CEP192: variants seen among roughly 807,000 people sequenced by gnomAD.
CEP192 encodes centrosomal protein of 192 kDa.
Under a neutral mutation model 271.8 loss-of-function variants are expected in CEP192, and 151 were observed. The observed-to-expected ratio is 0.56, with a 90% CI of 0.49 to 0.64. The LOEUF (loss-of-function observed/expected upper bound fraction) is 0.64. Among genes scored for constraint, CEP192 ranks in the 30% least tolerant of loss-of-function variants. CEP192 has a pLI of 0.00. For missense variants in CEP192, 2,910 were observed against 3,020.5 expected (o/e 0.96, Z 0.86); for synonymous variants, 995 against 1,076.5 (o/e 0.92, Z 1.48).
chr18:13,098,268 G>A (rs1181343609), intron 36 of CEP192, among the ~76,000 whole-genome samples: 3 of 151,870 alleles, frequency 2.0e-5, no homozygotes, highest in East Asian at 2.0e-4. Context: ...CTGGCCAGGC[G>A]GGGGCTGACC....
chr18:13,071,284 C>A, intron 28 of CEP192, 72 bp downstream of exon 28: 2 of 1,378,250 alleles, frequency 1.5e-6, no homozygotes, highest in Non-Finnish European at 2.0e-6. Context: ...TTAATGTTTG[C>A]AGGAAAATTT....
intron 10 of CEP192, among the ~76,000 whole-genome samples, chr18:13,030,258 C>CT (rs1279851571): frequency 1.3e-5 from 2 of 152,120 alleles, no homozygotes; most frequent in African/African-American, 2.4e-5. Context: ...CCATTATAGA[C>CT]TTTTTTGTGA....
chr18:13,000,091 C>CTCTCTCTCTTTTT lies in CEP192; in HGVS notation c.164+504_164+505insCTCTCTCTTTTTT, dbSNP rs1555698196. Among the ~76,000 whole-genome samples, 2 of 76,750 alleles carry CTCTCTCTCTTTTT rather than the reference C, an allele frequency of 2.6e-5. 1 individual carries two copies. The highest frequency in any genetic ancestry group is 8.5e-5 in the African/African-American group (2 of 23,460). The allele number at this position is 76,750 out of a possible 152,430, so 50.4% of individuals were successfully genotyped here. A position where few individuals can be genotyped will look rare whatever the true frequency, so the allele number is the denominator to read the frequency against. On this transcript the variant is annotated intron_variant, in intron 2 of 44. Transcript: ENST00000506447. ...CTCTGTATAACTCATTGTCTTCTCTCTTTTTTTTTTTTTTTTTTTTTTTTT... is the reference window on the plus strand; with the variant it reads ...CTCTGTATAACTCATTGTCTTCTCTCTCTCTCTCTTTTTTTTTTTTTTTTTTTTTTTTTTTTTT...
chr18:13,016,001 C>T (rs2034624043), intron 6 of CEP192, among the ~76,000 whole-genome samples: 2 of 152,158 alleles, frequency 1.3e-5, no homozygotes, highest in Admixed American at 6.5e-5. Context: ...CCACCTCGGC[C>T]TCCCAAAGTG....
chr18:13,123,611 C>T (rs1325649639), intron 44 of CEP192, among the ~76,000 whole-genome samples: 1 of 152,184 alleles, frequency 6.6e-6, no homozygotes, highest in East Asian at 1.9e-4. Flanking sequence ...TCCCTGTGAG[C>T]TCAGAACTTT....
In CEP192 at chr18:13,068,876, T is replaced by C; in HGVS notation, c.4847T>C (p.Phe1616Ser). The C allele has an allele frequency of 6.2e-7, 1 of 1,614,200 alleles. No individual in the cohort carries two copies. The highest frequency in any genetic ancestry group is 1.1e-5 in the South Asian group (1 of 91,076). The change falls in exon 25 of 45, where the codon TTC becomes TCC. Residue 1616 changes from phenylalanine to serine, a missense_variant. Physicochemically the swap from Phe to Ser is radical, Grantham distance 155. Transcript: ENST00000506447. ...SSDILDSAEE[F>S]SAKVDIEVDS... ...GATATTCTGGACTCAGCAGAAGAAT[T>C]CTCGGCAAAAGTTGATATCGAAGTT...
chr18:13,038,035 C>T (rs576339528), intron 12 of CEP192, among the ~76,000 whole-genome samples: 1 of 151,842 alleles, frequency 6.6e-6, no homozygotes, highest in African/African-American at 2.4e-5. Context: ...GATGGGGTCT[C>T]GCCATGTTGC....
At chr18:12,995,467 TATATG>T (rs2033169969) in intron 1 of CEP192, among the ~76,000 whole-genome samples, 1 of 152,208 alleles carries the variant, frequency 6.6e-6, no homozygotes, top group Non-Finnish European at 1.5e-5. Context: ...GCAGAGTGCT[TATATG>T]ATGGTGATGA....
intron 44 of CEP192, among the ~76,000 whole-genome samples, chr18:13,121,239 A>G (rs1472092233): frequency 6.6e-6 from 1 of 152,218 alleles, no homozygotes; most frequent in Non-Finnish European, 1.5e-5. Flanking sequence ...CACATTTTTC[A>G]TTTGTTAGAT....
intron 15 of CEP192, among the ~76,000 whole-genome samples, chr18:13,044,803 T>C (rs983699341): frequency 2.0e-5 from 3 of 152,194 alleles, no homozygotes; most frequent in African/African-American, 7.2e-5. Context: ...TTTACTGGTC[T>C]CATTTTTTCT....
intron 15 of CEP192, among the ~76,000 whole-genome samples, chr18:13,047,851 G>C (rs2036566980): frequency 6.6e-6 from 1 of 152,146 alleles, no homozygotes; most frequent in Non-Finnish European, 1.5e-5. Context: ...CAATGACTCA[G>C]TGGCTTTTCA....
At chr18:13,041,831 G>C (rs57072282) in intron 14 of CEP192, among the ~76,000 whole-genome samples, 13,641 of 152,170 alleles carry the variant, frequency 0.09, 727 homozygotes, top group South Asian at 0.19. Context: ...CTCCCAAAGT[G>C]CTGGGATCAC....
intron 30 of CEP192, among the ~76,000 whole-genome samples, chr18:13,085,044 C>A (rs747626201): frequency 1.3e-5 from 2 of 151,098 alleles, no homozygotes; most frequent in Non-Finnish European, 2.9e-5. Context: ...CCAGGATGGT[C>A]TTGATCTCCT....
At chr18:13,107,384 ATC>A (rs1193058670) in intron 40 of CEP192, among the ~76,000 whole-genome samples, 1 of 152,204 alleles carries the variant, frequency 6.6e-6, no homozygotes, top group Non-Finnish European at 1.5e-5. Context: ...AGTTTTCACA[ATC>A]TCTCTAACAT....
At chr18:13,048,480 G>A (rs752007527) in intron 15 of CEP192, among the ~76,000 whole-genome samples, 3 of 152,176 alleles carry the variant, frequency 2.0e-5, no homozygotes, top group Non-Finnish European at 4.4e-5. Context: ...TCCTTCAAGT[G>A]AAAAGAGGAA....
intron 18 of CEP192, among the ~76,000 whole-genome samples, chr18:13,055,466 A>G (rs2037043194): frequency 6.6e-6 from 1 of 152,200 alleles, no homozygotes. Flanking sequence ...TAAAGTTTAC[A>G]GAAATCCCTT....
At chr18:13,090,003 T>C (rs892479104) in intron 33 of CEP192, among the ~76,000 whole-genome samples, 12 of 152,214 alleles carry the variant, frequency 7.9e-5, no homozygotes, top group African/African-American at 2.7e-4. Context: ...GTAAGATTTA[T>C]GGAAGATGTA....
intron 32 of CEP192, among the ~76,000 whole-genome samples, chr18:13,088,315 T>C (rs893935285): frequency 2.0e-5 from 3 of 152,010 alleles, no homozygotes; most frequent in Non-Finnish European, 2.9e-5. Flanking sequence ...TTGGGTGTGA[T>C]GGTGTGCACC....
At chr18:13,100,869 G>C (rs1038783414) in intron 38 of CEP192, among the ~76,000 whole-genome samples, 1 of 152,180 alleles carries the variant, frequency 6.6e-6, no homozygotes, top group African/African-American at 2.4e-5. Context: ...TGACATTGAG[G>C]CTCCAGACAG....
Sources: gnomAD v4.1 joint callset for allele counts (sites outside exome capture counted in the v4.1 genomes callset) on GRCh38, gnomAD v4.1.1 for gene constraint, MANE v1.5 for transcripts, NCBI Gene and HGNC (gene_info 2026-07-23, HGNC 2026-07-21) for gene names.